The following FBXL7 variants were observed in gnomAD, a reference collection of about 807,000 sequenced individuals.
FBXL7 encodes the protein F-box/LRR-repeat protein 7.
FBXL7 carries 12 observed loss-of-function variants against 38.3 expected under a neutral mutation model. The observed-to-expected ratio is 0.31, with a 90% confidence interval of 0.20 to 0.51. The LOEUF (loss-of-function observed/expected upper bound fraction) is 0.51. FBXL7 is among the 20% of genes least tolerant of loss of function. The pLI is 0.98. For missense variants in FBXL7, 567 were observed against 676.4 expected (o/e 0.84, Z 1.79); for synonymous variants, 297 against 300.9 (o/e 0.99, Z 0.13).
chr5:15,632,338 C>T (rs559513178), intron 2 of FBXL7, among the ~76,000 whole-genome samples: 1 of 152,076 alleles, frequency 6.6e-6, no homozygotes, highest in Non-Finnish European at 1.5e-5. Flanking sequence ...AACAAAAAGA[C>T]ATTGCTAAAA....
intron 2 of FBXL7, among the ~76,000 whole-genome samples, chr5:15,884,061 C>T (rs1740573927): frequency 6.6e-6 from 1 of 152,174 alleles, no homozygotes; most frequent in African/African-American, 2.4e-5. Context: ...CCTCACAGTT[C>T]TGGAGGCTGC....
chr5:15,628,661 A>T (rs928186763), intron 2 of FBXL7, among the ~76,000 whole-genome samples: 2 of 152,180 alleles, frequency 1.3e-5, no homozygotes, highest in African/African-American at 4.8e-5. Context: ...CTGTTGTTAC[A>T]TGCTTTTTCT....
At chr5:15,628,001 T>C (rs1341717895) in intron 2 of FBXL7, among the ~76,000 whole-genome samples, 1 of 152,150 alleles carries the variant, frequency 6.6e-6, no homozygotes, top group Non-Finnish European at 1.5e-5. Context: ...ATGTAGAAAG[T>C]CCACACTGTG....
chr5:15,763,960 A>G (rs1191620285), intron 2 of FBXL7, among the ~76,000 whole-genome samples: 1 of 152,192 alleles, frequency 6.6e-6, no homozygotes, highest in African/African-American at 2.4e-5. Context: ...AGCAGATGGC[A>G]TAACTTTTAG....
chr5:15,673,310 C>G (rs138532290), intron 2 of FBXL7, among the ~76,000 whole-genome samples: 23 of 151,680 alleles, frequency 1.5e-4, no homozygotes, highest in Non-Finnish European at 2.8e-4. Context: ...GAGCGAGACT[C>G]CATCTAAAAA....
At chr5:15,913,659 A>G (rs567530977) in intron 2 of FBXL7, among the ~76,000 whole-genome samples, 2 of 152,368 alleles carry the variant, frequency 1.3e-5, no homozygotes, top group Admixed American at 1.3e-4. Flanking sequence ...GGGAAATGAG[A>G]CTAAAGAATT....
intron 1 of FBXL7, among the ~76,000 whole-genome samples, chr5:15,577,300 A>C (rs1738998173): frequency 6.6e-6 from 1 of 152,086 alleles, no homozygotes; most frequent in Admixed American, 6.6e-5. Flanking sequence ...TGGGTTCTTC[A>C]GAGATTGGCC....
intron 2 of FBXL7, among the ~76,000 whole-genome samples, chr5:15,861,623 A>G (rs1038201765): frequency 1.3e-5 from 2 of 152,218 alleles, no homozygotes; most frequent in African/African-American, 4.8e-5. Context: ...AAGCAAAGAT[A>G]GAAACACAGG....
At chr5:15,845,914 A>G (rs1738886613) in intron 2 of FBXL7, among the ~76,000 whole-genome samples, 1 of 152,150 alleles carries the variant, frequency 6.6e-6, no homozygotes, top group Non-Finnish European at 1.5e-5. Flanking sequence ...GGAGCTTGCA[A>G]TGAGCCGAGA....
chr5:15,869,148 AAG>A (rs1206204369), intron 2 of FBXL7, among the ~76,000 whole-genome samples: 1 of 152,182 alleles, frequency 6.6e-6, no homozygotes, highest in African/African-American at 2.4e-5. Context: ...CCTAGAAGGC[AAG>A]AGAGAGTGCT....
chr5:15,691,118 G>A (rs970674970), intron 2 of FBXL7, among the ~76,000 whole-genome samples: 2 of 152,090 alleles, frequency 1.3e-5, no homozygotes, highest in Non-Finnish European at 2.9e-5. Context: ...CCTGCCACCT[G>A]GCCCCCAGGA....
In FBXL7 at chr5:15,508,461, G is replaced by T. The variant is rs188154541; in HGVS notation, c.37+7748G>T. 5.3e-4 allele frequency among the ~76,000 whole-genome samples: 80 copies of T among 152,322 alleles called. 2 individuals are homozygous for T. In the East Asian group the frequency reaches 0.013, roughly 25 times the overall value. ...GTTATATTTGGCTCAGTCTAAGGAA[G>T]ATCTGTCTAATGATTAGAGCTGCCC... On this transcript the variant is annotated intron_variant, in intron 1 of 3. Transcript: ENST00000504595.
chr5:15,621,754 A>G (rs1229219959), intron 2 of FBXL7, among the ~76,000 whole-genome samples: 1 of 152,140 alleles, frequency 6.6e-6, no homozygotes, highest in African/African-American at 2.4e-5. Flanking sequence ...TTTAAGTAGG[A>G]CGCATATTCA....
At chr5:15,866,617 G>A (rs1739722140) in intron 2 of FBXL7, among the ~76,000 whole-genome samples, 1 of 152,002 alleles carries the variant, frequency 6.6e-6, no homozygotes, top group African/African-American at 2.4e-5. Context: ...GTGTGCCATG[G>A]TGGTTTGCCG....
intron 2 of FBXL7, among the ~76,000 whole-genome samples, chr5:15,622,520 G>T (rs965946965): frequency 6.6e-6 from 1 of 152,080 alleles, no homozygotes; most frequent in Non-Finnish European, 1.5e-5. Context: ...CCACCTATGA[G>T]TGAGAACATG....
intron 1 of FBXL7, among the ~76,000 whole-genome samples, chr5:15,587,523 T>C (rs1739339792): frequency 6.6e-6 from 1 of 152,192 alleles, no homozygotes; most frequent in South Asian, 2.1e-4. Context: ...GGGAATCCGG[T>C]TTCCTTTGCT....
At chr5:15,763,071 T>C (rs1167481868) in intron 2 of FBXL7, among the ~76,000 whole-genome samples, 1 of 152,200 alleles carries the variant, frequency 6.6e-6, no homozygotes, top group African/African-American at 2.4e-5. Flanking sequence ...GGGCTACATC[T>C]AGCGACCCTT....
At chr5:15,617,422 CATTT>C (rs3032718) in intron 2 of FBXL7, among the ~76,000 whole-genome samples, 44,458 of 142,372 alleles carry the variant, frequency 0.31, 6,945 homozygotes, top group South Asian at 0.35. Flanking sequence ...TGATTCTAGA[CATTT>C]ATTTATTTAT....
At chr5:15,805,584 T>C (rs901149467) in intron 2 of FBXL7, among the ~76,000 whole-genome samples, 2 of 152,164 alleles carry the variant, frequency 1.3e-5, no homozygotes, top group African/African-American at 4.8e-5. Context: ...TGAAAAAACC[T>C]ATTTTAGAAG....
Sources: allele counts gnomAD v4.1 joint callset (sites outside exome capture counted in the v4.1 genomes callset), GRCh38; gene constraint gnomAD v4.1.1; transcripts MANE v1.5; gene names NCBI Gene and HGNC (gene_info 2026-07-23, HGNC 2026-07-21).